Variants in KIF3B observed in about 807,000 individuals in gnomAD.
KIF3B encodes kinesin-like protein KIF3B.
Under a neutral mutation model 74.3 loss-of-function variants are expected in KIF3B, and 38 were observed. That is an observed-to-expected ratio of 0.51 (90% CI 0.39 to 0.67). The LOEUF is 0.67. Ranked by LOEUF, KIF3B falls within the 30% of genes least tolerant of loss-of-function variation. The probability of loss-of-function intolerance (pLI) is 0.00; values close to 1 mark genes in which losing one functional copy is unlikely to be tolerated. For synonymous variants in KIF3B, 326 were observed against 342.5 expected (o/e 0.95, Z 0.53); for missense variants, 649 against 932.0 (o/e 0.70, Z 3.95).
chr20:32,317,236 CA>C (rs1246763866), intron 5 of KIF3B, among the ~76,000 whole-genome samples: 1 of 152,024 alleles, frequency 6.6e-6, no homozygotes, highest in Non-Finnish European at 1.5e-5. Flanking sequence ...GAAAAAAACA[CA>C]AAAAAAGAAA....
Position 32,309,975 on chromosome 20 carries a change from T to C in KIF3B, c.198T>C (p.Asn66=). 6.2e-7 allele frequency: 1 copy of C among 1,614,134 alleles called. No homozygotes were observed. The highest frequency in any genetic ancestry group is 1.1e-5 in the South Asian group (1 of 91,078). ...CCTTTGATGCCGTCTATGACTGGAA[T>C]GCCAAGCAGTTTGAACTGTACGATG... ...TFTFDAVYDW[N]AKQFELYDET... Residue 66 remains asparagine, a synonymous_variant, in exon 2 of 9, where the codon AAT becomes AAC. Coordinates refer to ENST00000375712, the MANE Select transcript of KIF3B (RefSeq NM_004798.4).
chr20:32,312,955 T>G (rs1211842572), intron 2 of KIF3B, among the ~76,000 whole-genome samples: 1 of 152,182 alleles, frequency 6.6e-6, no homozygotes, highest in African/African-American at 2.4e-5. Flanking sequence ...CATTTGCATA[T>G]AGTATAGCCT....
intron 1 of KIF3B, among the ~76,000 whole-genome samples, chr20:32,292,017 A>G (rs2047693913): frequency 6.6e-6 from 1 of 151,866 alleles, no homozygotes; most frequent in African/African-American, 2.4e-5. Flanking sequence ...TAGGCGGCTC[A>G]AGCAAACTCC....
chr20:32,323,070 T>TTATATATTTATATTTA (rs2047881224), intron 5 of KIF3B, among the ~76,000 whole-genome samples: 1 of 14,516 alleles, frequency 6.9e-5, no homozygotes, highest in Non-Finnish European at 1.6e-4. Flanking sequence ...TTATATATAT[T>TTATATATTTATATTTA]TATATATTTA....
In KIF3B at chr20:32,301,450, T is replaced by A. The variant is rs988022338; in HGVS notation, c.-65-8263T>A. ...TGGAGTGTAATGGCGCGATCTCAGC[T>A]CACTGCAAACCCTGCCTCTGGGTTC... is the stretch of plus-strand genomic sequence containing the variant. On this transcript the variant is annotated intron_variant, in intron 1 of 8. Coordinates refer to ENST00000375712, the MANE Select transcript of KIF3B (RefSeq NM_004798.4). Among the ~76,000 whole-genome samples the A allele has an allele frequency of 6.6e-5, 10 of 152,034 alleles. No homozygotes were observed. In the East Asian group the frequency reaches 1.9e-3, roughly 29 times the overall value.
At chr20:32,308,877 G>A (rs1176030830) in intron 1 of KIF3B, among the ~76,000 whole-genome samples, 5 of 151,522 alleles carry the variant, frequency 3.3e-5, no homozygotes, top group East Asian at 3.9e-4. Context: ...CACCACACCC[G>A]GCTGATTTTT....
At chr20:32,289,734 G>T (rs201875085) in intron 1 of KIF3B, among the ~76,000 whole-genome samples, 1 of 152,190 alleles carries the variant, frequency 6.6e-6, no homozygotes, top group East Asian at 1.9e-4. Flanking sequence ...AAGAAAAAAC[G>T]TTAAGTAAAT....
intron 1 of KIF3B, among the ~76,000 whole-genome samples, chr20:32,285,099 C>CA (rs11480924): frequency 0.46 from 47,442 of 102,270 alleles, 8,637 homozygotes; most frequent in East Asian, 0.7. Flanking sequence ...AAATGATGAC[C>CA]AAAAAAAAAA....
chr20:32,304,343 G>A (rs1204788446), intron 1 of KIF3B, among the ~76,000 whole-genome samples: 1 of 152,148 alleles, frequency 6.6e-6, no homozygotes, highest in Admixed American at 6.5e-5. Flanking sequence ...GAGAATGGCA[G>A]GAAATAAGTC....
intron 1 of KIF3B, among the ~76,000 whole-genome samples, chr20:32,279,865 G>T (rs1436559766): frequency 6.6e-6 from 1 of 152,216 alleles, no homozygotes; most frequent in African/African-American, 2.4e-5. Context: ...TTTCAGTGCT[G>T]TTATGCAGTT....
At chr20:32,330,934 AC>A (rs1474002127) in intron 8 of KIF3B, among the ~76,000 whole-genome samples, 1 of 152,222 alleles carries the variant, frequency 6.6e-6, no homozygotes, top group Non-Finnish European at 1.5e-5. Flanking sequence ...CTACCTGCAA[AC>A]TTAATATTTT....
At position 32,330,131 on chromosome 20, in the gene KIF3B, G is replaced by A. The variant is rs779145893; in HGVS notation, c.1969-10G>A. 2.2e-5 allele frequency: 35 copies of A among 1,609,656 alleles called. No homozygotes were observed. The South Asian group carries it at 2.8e-4, about 13-fold the overall frequency. On this transcript the variant is annotated splice_polypyrimidine_tract_variant and intron_variant, in intron 7 of 8. Coordinates refer to ENST00000375712, the MANE Select transcript of KIF3B (RefSeq NM_004798.4). ...GGCTAACCTAGCTGGTGATGGCTGT[G>A]CTTCTGCAGGCAGAAAACATTGTGC... is the stretch of plus-strand genomic sequence containing the variant.
Position 32,310,898 on chromosome 20 carries a change from T to C in KIF3B, c.1121T>C (p.Ile374Thr), listed in dbSNP as rs752444940. Residue 374 changes from isoleucine to threonine, a missense_variant, in exon 2 of 9, where the codon ATT becomes ACT. Ile to Thr is a moderately conservative substitution (Grantham distance 89). Coordinates refer to ENST00000375712, the MANE Select transcript of KIF3B (RefSeq NM_004798.4). The surrounding 1 kb of genome is among the most constrained non-coding windows in gnomAD (Gnocchi z 6.5). ...AAGGCCCAGCTGGAAAAACGGTCCA[T>C]TGGTAGGAGGAAGAGGCGAGAGAAG... is the stretch of plus-strand genomic sequence containing the variant. ...RLKAQLEKRS[I>T]GRRKRREKRR... 1.9e-6 allele frequency: 3 copies of C among 1,612,102 alleles called. No homozygotes were observed. Among genetic ancestry groups the C allele is most frequent in the South Asian group, 1.1e-5 (1 of 90,986 alleles).
At chr20:32,322,712 A>T (rs1252373619) in intron 5 of KIF3B, among the ~76,000 whole-genome samples, 3 of 65,456 alleles carry the variant, frequency 4.6e-5, no homozygotes, top group African/African-American at 6.8e-5. Context: ...ATATATTTAT[A>T]TATATTTATA....
At chr20:32,286,663 C>T (rs2047668546) in intron 1 of KIF3B, among the ~76,000 whole-genome samples, 1 of 152,098 alleles carries the variant, frequency 6.6e-6, no homozygotes, top group African/African-American at 2.4e-5. Context: ...ACTTTAAGAT[C>T]CACCACTGAG....
chr20:32,321,213 G>C (rs959342336), intron 5 of KIF3B, among the ~76,000 whole-genome samples: 10 of 152,090 alleles, frequency 6.6e-5, no homozygotes, highest in Admixed American at 6.6e-4. Flanking sequence ...TGGATCACCT[G>C]AGGTCAGGAG....
intron 1 of KIF3B, among the ~76,000 whole-genome samples, chr20:32,278,184 G>A (rs1314902227): frequency 6.6e-6 from 1 of 152,114 alleles, no homozygotes; most frequent in African/African-American, 2.4e-5. Flanking sequence ...GAGTGGTAAA[G>A]ATAATGAGAA....
intron 1 of KIF3B, among the ~76,000 whole-genome samples, chr20:32,278,204 A>G (rs188882624): frequency 6.6e-6 from 1 of 152,244 alleles, no homozygotes; most frequent in African/African-American, 2.4e-5. Context: ...AGTGTATGTG[A>G]AAGTGCCCTA....
chr20:32,322,720 ATATT>A lies in KIF3B; in HGVS notation c.1749-4039_1749-4036del, dbSNP rs1216858517. ...TATATTTATATATTTATATATATTT[ATATT>A]TATTTATTTATATATATTTATTTAT... On this transcript the variant is annotated intron_variant, in intron 5 of 8. Transcript: ENST00000375712. Among the ~76,000 whole-genome samples, 449 of 70,228 alleles carry A rather than the reference ATATT, an allele frequency of 6.4e-3. 88 individuals carry two copies. Among genetic ancestry groups the A allele is most frequent in the Non-Finnish European group, 7.6e-3 (326 of 42,982 alleles). 46.1% of individuals were successfully genotyped at this position (70,228 alleles called of 152,430 possible).
Sources: gnomAD v4.1 joint callset for allele counts (sites outside exome capture counted in the v4.1 genomes callset) on GRCh38, gnomAD v4.1.1 for gene constraint, Gnocchi (gnomAD v3.1) non-coding constraint, MANE v1.5 for transcripts, NCBI Gene and HGNC (gene_info 2026-07-23, HGNC 2026-07-21) for gene names.